FSHR: variants seen among roughly 807,000 people sequenced by gnomAD.
The protein encoded by FSHR is follicle-stimulating hormone receptor.
A neutral mutation model predicts 52.1 loss-of-function variants in FSHR; 46 were observed. The observed-to-expected ratio is 0.88, with a 90% CI of 0.70 to 1.13. The LOEUF is 1.13. Ranked by LOEUF, FSHR falls within the 50% of genes most tolerant of loss-of-function variation. The pLI, the probability that FSHR is intolerant of heterozygous loss-of-function variation, is 0.00. For synonymous variants in FSHR, 399 were observed against 309.6 expected, an observed-to-expected ratio of 1.29 and a Z score of -3.03; for missense variants, 964 against 834.6, an observed-to-expected ratio of 1.16 and a Z score of -1.91.
intron 1 of FSHR, among the ~76,000 whole-genome samples, chr2:49,145,150 C>T (rs990496947): frequency 8.6e-5 from 13 of 152,036 alleles, no homozygotes; most frequent in Admixed American, 2.0e-4. Flanking sequence ...TTTGGAAAAA[C>T]GGTGAAGTTG....
chr2:49,087,770 T>C (rs1464565197), intron 1 of FSHR, among the ~76,000 whole-genome samples: 1 of 152,234 alleles, frequency 6.6e-6, no homozygotes, highest in Non-Finnish European at 1.5e-5. Context: ...TATATCCTGT[T>C]ATGCATTTTC....
At chr2:49,020,017 G>C (rs1362260715) in intron 3 of FSHR, 69 bp downstream of exon 3, 2 of 1,314,006 alleles carry the variant, frequency 1.5e-6, no homozygotes, top group African/African-American at 2.9e-5. Flanking sequence ...GGCCTCCCAG[G>C]AATGTAGAAG....
At chr2:49,142,466 G>T (rs1362709595) in intron 1 of FSHR, among the ~76,000 whole-genome samples, 3 of 152,060 alleles carry the variant, frequency 2.0e-5, no homozygotes, top group African/African-American at 4.8e-5. Context: ...CAAATCATGG[G>T]GTGCTTTGTA....
At chr2:49,145,874 T>C (rs1672851844) in intron 1 of FSHR, among the ~76,000 whole-genome samples, 2 of 152,040 alleles carry the variant, frequency 1.3e-5, no homozygotes, top group East Asian at 1.9e-4. Flanking sequence ...GTGAGTAATA[T>C]TGGAGTAGGA....
At chr2:49,085,974 G>GCAC in intron 1 of FSHR, among the ~76,000 whole-genome samples, 2 of 147,384 alleles carry the variant, frequency 1.4e-5, no homozygotes, top group African/African-American at 5.0e-5. Flanking sequence ...TGGGGGGGGG[G>GCAC]AGTGGGGAGG....
chr2:48,971,777 G>A (rs1311617494), intron 8 of FSHR, among the ~76,000 whole-genome samples: 1 of 152,046 alleles, frequency 6.6e-6, no homozygotes, highest in Middle Eastern at 3.2e-3. Context: ...GACTTTTTAA[G>A]GCTCATACAA....
At chr2:49,096,955 G>A (rs1305897318) in intron 1 of FSHR, among the ~76,000 whole-genome samples, 1 of 152,076 alleles carries the variant, frequency 6.6e-6, no homozygotes, top group Non-Finnish European at 1.5e-5. Context: ...AGTTTCCCAA[G>A]GTCTCCCCAG....
chr2:49,072,359 T>G (rs1669768454), intron 1 of FSHR, among the ~76,000 whole-genome samples: 1 of 152,132 alleles, frequency 6.6e-6, no homozygotes, highest in South Asian at 2.1e-4. Flanking sequence ...TCAAACTCAT[T>G]GGATATAGGT....
chr2:49,074,969 T>C lies in FSHR; in HGVS notation c.153-6679A>G, dbSNP rs575168905. ...TGAACACTGTATATTATCACTAATA[T>C]ATGGAAGCTAGAAAAAGTTGATCTC... On this transcript the variant is annotated intron_variant, in intron 1 of 9. Coordinates refer to ENST00000406846, the MANE Select transcript of FSHR (RefSeq NM_000145.4). Among the ~76,000 whole-genome samples, 34 of 152,170 alleles carry C rather than the reference T, an allele frequency of 2.2e-4. No individual in the cohort carries two copies. The South Asian group carries it at 7.1e-3, about 32-fold the overall frequency.
At chr2:49,101,007 A>C (rs1278529623) in intron 1 of FSHR, among the ~76,000 whole-genome samples, 3 of 152,296 alleles carry the variant, frequency 2.0e-5, no homozygotes, top group African/African-American at 7.2e-5. Flanking sequence ...AAGTGCATCA[A>C]AGAGATGTAA....
intron 2 of FSHR, among the ~76,000 whole-genome samples, chr2:49,020,649 C>T (rs1667658012): frequency 6.6e-6 from 1 of 151,950 alleles, no homozygotes; most frequent in African/African-American, 2.4e-5. Flanking sequence ...GCCTGTGTTC[C>T]AATAAAACTT....
Position 48,963,271 on chromosome 2 carries a change from C to A in FSHR, c.1550G>T (p.Cys517Phe). Residue 517 changes from cysteine (C) to phenylalanine (F), a missense_variant, in exon 10 of 10, where the codon TGC (cysteine) becomes TTC (phenylalanine). Coordinates refer to ENST00000406846, the MANE Select transcript of FSHR (RefSeq NM_000145.4). ...GISSYMKVSICLPMDIDSPLS... is the reference protein window; with the variant it reads ...GISSYMKVSIFLPMDIDSPLS... ...AGGGCTGTCAATATCCATGGGCAGG[C>A]AGATGCTCACCTTCATGTAGCTGCT... The A allele has an allele frequency of 6.2e-7, 1 of 1,614,102 alleles. No homozygotes were observed. Among genetic ancestry groups the A allele is most frequent in the East Asian group, 2.2e-5 (1 of 44,868 alleles).
intron 1 of FSHR, among the ~76,000 whole-genome samples, chr2:49,095,855 A>G (rs1475613109): frequency 6.6e-6 from 1 of 152,194 alleles, no homozygotes; most frequent in Non-Finnish European, 1.5e-5. Flanking sequence ...CAATAGACAT[A>G]TGAAAAGATG....
chr2:49,101,949 C>G (rs1421961853), intron 1 of FSHR, among the ~76,000 whole-genome samples: 3 of 152,076 alleles, frequency 2.0e-5, no homozygotes, highest in African/African-American at 7.2e-5. Flanking sequence ...AGTCATCAGT[C>G]CCATTGAAGC....
At chr2:49,071,465 C>G (rs192023398) in intron 1 of FSHR, among the ~76,000 whole-genome samples, 2 of 152,120 alleles carry the variant, frequency 1.3e-5, no homozygotes, top group African/African-American at 2.4e-5. Context: ...AAAATTACTT[C>G]TGAACAAATT....
At position 48,963,671 on chromosome 2, in the gene FSHR, G is replaced by A. The variant is rs1475562013; in HGVS notation, c.1150C>T (p.Leu384=). 6.2e-7 allele frequency: 1 copy of A among 1,614,022 alleles called. No individual in the cohort carries two copies. ...TATTGGCTGGTAGTTAGGATCACTA[G>A]CACTATGATGTTCCCAGTGATGGCC... ...ILAITGNIIV[L]VILTTSQYKL... Residue 384 remains leucine (L), a synonymous_variant, in exon 10 of 10, where the codon CTA becomes TTA. Coordinates refer to ENST00000406846, the MANE Select transcript of FSHR (RefSeq NM_000145.4).
chr2:49,053,183 G>T (rs1248445119), intron 2 of FSHR, among the ~76,000 whole-genome samples: 1 of 152,082 alleles, frequency 6.6e-6, no homozygotes, highest in Admixed American at 6.6e-5. Context: ...CATATTTATG[G>T]TTTGGGAGCT....
At chr2:49,008,566 G>C (rs539181296) in intron 4 of FSHR, among the ~76,000 whole-genome samples, 5 of 150,826 alleles carry the variant, frequency 3.3e-5, no homozygotes, top group Admixed American at 1.3e-4. Flanking sequence ...TGGGTCAAAT[G>C]GTATTTCCAG....
chr2:49,094,781 A>G (rs1212318762), intron 1 of FSHR, among the ~76,000 whole-genome samples: 2 of 152,104 alleles, frequency 1.3e-5, no homozygotes, highest in Admixed American at 6.5e-5. Flanking sequence ...AAATAACAAT[A>G]AACAATAAAG....
Sources: allele counts gnomAD v4.1 joint callset (sites outside exome capture counted in the v4.1 genomes callset), GRCh38; gene constraint gnomAD v4.1.1; transcripts MANE v1.5; gene names NCBI Gene and HGNC (gene_info 2026-07-23, HGNC 2026-07-21).